Variants in ATRNL1 observed in about 807,000 individuals in gnomAD.
The protein encoded by ATRNL1 is attractin-like protein 1.
Under a neutral mutation model 182.7 loss-of-function variants are expected in ATRNL1, and 95 were observed. The ratio of observed to expected loss-of-function variants is 0.52; its 90% CI spans 0.44 to 0.62. The LOEUF (loss-of-function observed/expected upper bound fraction) is 0.62. ATRNL1 is among the 20% of genes least tolerant of loss of function. ATRNL1 has a pLI of 0.00. For synonymous variants in ATRNL1, 576 were observed against 568.3 expected, an observed-to-expected ratio of 1.01 and a Z score of -0.19; for missense variants, 1,471 against 1,679.5, an observed-to-expected ratio of 0.88 and a Z score of 2.17.
intron 25 of ATRNL1, among the ~76,000 whole-genome samples, chr10:115,535,911 T>G (rs1252560375): frequency 1.3e-5 from 2 of 151,922 alleles, no homozygotes; most frequent in Non-Finnish European, 2.9e-5. Context: ...CAGCGGTGTC[T>G]GCAGAACAGC....
intron 27 of ATRNL1, among the ~76,000 whole-genome samples, chr10:115,737,443 A>C (rs929970787): frequency 2.0e-5 from 3 of 152,038 alleles, no homozygotes; most frequent in Non-Finnish European, 4.4e-5. Flanking sequence ...CTAAAAAAAA[A>C]AAAAGAAAAG....
chr10:115,537,480 A>T (rs1554990863), intron 25 of ATRNL1, among the ~76,000 whole-genome samples: 1 of 152,182 alleles, frequency 6.6e-6, no homozygotes, highest in Non-Finnish European at 1.5e-5. Flanking sequence ...ACCTACATGA[A>T]CATCAGTTCT....
At chr10:115,856,782 C>T (rs931116769) in intron 28 of ATRNL1, among the ~76,000 whole-genome samples, 6 of 152,186 alleles carry the variant, frequency 3.9e-5, no homozygotes, top group African/African-American at 4.8e-5. Flanking sequence ...GTGATGTTCA[C>T]TCACACCCAC....
At chr10:115,189,214 C>A (rs1229438081) in intron 8 of ATRNL1, among the ~76,000 whole-genome samples, 1 of 151,458 alleles carries the variant, frequency 6.6e-6, no homozygotes, top group Non-Finnish European at 1.5e-5. Context: ...CACTGCCAGT[C>A]GTACAGAAGT....
chr10:115,508,106 T>C (rs1012116738), intron 24 of ATRNL1, among the ~76,000 whole-genome samples: 4 of 152,074 alleles, frequency 2.6e-5, no homozygotes, highest in African/African-American at 9.7e-5. Context: ...ATTTTGGTTA[T>C]TTTTAAAATA....
intron 28 of ATRNL1, among the ~76,000 whole-genome samples, chr10:115,935,750 A>T (rs963419133): frequency 3.3e-5 from 5 of 152,248 alleles, no homozygotes; most frequent in Non-Finnish European, 7.3e-5. Context: ...TGTAACTCTG[A>T]AAATGATAAA....
At chr10:115,470,887 T>C (rs545923072) in intron 24 of ATRNL1, among the ~76,000 whole-genome samples, 99 of 150,888 alleles carry the variant, frequency 6.6e-4, no homozygotes, top group Admixed American at 2.0e-3. Context: ...TATATGTGTT[T>C]ATTTATAAGA....
chr10:115,588,557 G>A (rs546785939), intron 26 of ATRNL1, among the ~76,000 whole-genome samples: 1 of 152,172 alleles, frequency 6.6e-6, no homozygotes, highest in African/African-American at 2.4e-5. Flanking sequence ...CCTTTGGGAG[G>A]AACAACAAAA....
chr10:115,758,412 G>T (rs1248932209), intron 27 of ATRNL1, among the ~76,000 whole-genome samples: 1 of 152,110 alleles, frequency 6.6e-6, no homozygotes, highest in African/African-American at 2.4e-5. Context: ...GAGTTTGCTG[G>T]AGGTCCACTC....
chr10:115,165,723 A>G, intron 7 of ATRNL1, 78 bp downstream of exon 7: 1 of 699,110 alleles, frequency 1.4e-6, no homozygotes, highest in Non-Finnish European at 2.3e-6. Context: ...ACTAAATCTC[A>G]GATTTATTTC....
intron 1 of ATRNL1, among the ~76,000 whole-genome samples, chr10:115,116,683 C>T (rs756865669): frequency 7.9e-5 from 12 of 152,036 alleles, no homozygotes; most frequent in Non-Finnish European, 1.3e-4. Flanking sequence ...CTCCCCTTTA[C>T]GCATGTCTTT....
At chr10:115,898,851 A>G (rs1952274393) in intron 28 of ATRNL1, among the ~76,000 whole-genome samples, 1 of 152,202 alleles carries the variant, frequency 6.6e-6, no homozygotes, top group Non-Finnish European at 1.5e-5. Context: ...TTTCACTGAC[A>G]TGAAAAGATC....
intron 28 of ATRNL1, among the ~76,000 whole-genome samples, chr10:115,922,641 G>A (rs1421989641): frequency 6.6e-6 from 1 of 152,012 alleles, no homozygotes; most frequent in Non-Finnish European, 1.5e-5. Context: ...TGGGAAGCGT[G>A]GGATAGTTTT....
At chr10:115,728,167 C>T (rs1463937067) in intron 27 of ATRNL1, among the ~76,000 whole-genome samples, 23 of 146,216 alleles carry the variant, frequency 1.6e-4, no homozygotes, top group African/African-American at 5.8e-4. Context: ...TGGTGGCAGG[C>T]ACCTGTGGTC....
intron 26 of ATRNL1, among the ~76,000 whole-genome samples, chr10:115,599,238 G>A (rs1555015192): frequency 1.3e-5 from 2 of 152,074 alleles, no homozygotes; most frequent in African/African-American, 4.8e-5. Context: ...AATACAGTCA[G>A]TTATTTTCCT....
chr10:115,626,965 A>G (rs1555024830), intron 26 of ATRNL1, among the ~76,000 whole-genome samples: 1 of 152,164 alleles, frequency 6.6e-6, no homozygotes. Flanking sequence ...TATAACCTCC[A>G]TATTTTATGA....
At chr10:115,889,808 C>T (rs1043148940) in intron 28 of ATRNL1, among the ~76,000 whole-genome samples, 2 of 152,110 alleles carry the variant, frequency 1.3e-5, no homozygotes, top group Non-Finnish European at 2.9e-5. Flanking sequence ...TTAATCTACC[C>T]ATTATAATCC....
At chr10:115,927,548 A>G (rs1421644512) in intron 28 of ATRNL1, among the ~76,000 whole-genome samples, 1 of 152,110 alleles carries the variant, frequency 6.6e-6, no homozygotes, top group Non-Finnish European at 1.5e-5. Context: ...CCATATAAAC[A>G]TTAAGATGAT....
chr10:115,350,334 C>CAGAAAAA (rs1856176830), intron 19 of ATRNL1, among the ~76,000 whole-genome samples: 1 of 29,734 alleles, frequency 3.4e-5, no homozygotes, highest in Non-Finnish European at 5.2e-5. Context: ...GACTCTGTCT[C>CAGAAAAA]AAAAAAAAAA....
Sources: gnomAD v4.1 joint callset for allele counts (sites outside exome capture counted in the v4.1 genomes callset) on GRCh38, gnomAD v4.1.1 for gene constraint, MANE v1.5 for transcripts, NCBI Gene and HGNC (gene_info 2026-07-23, HGNC 2026-07-21) for gene names.